NRXN1: variants seen among roughly 807,000 people sequenced by gnomAD.
NRXN1 encodes neurexin 1, also known as neurexin-1.
NRXN1 carries 39 observed loss-of-function variants against 150.9 expected under a neutral mutation model. That is an observed-to-expected ratio of 0.26 (90% CI 0.20 to 0.34). The LOEUF (loss-of-function observed/expected upper bound fraction) is 0.34. Among genes scored for constraint, NRXN1 ranks in the 10% least tolerant of loss-of-function variants. The probability of loss-of-function intolerance (pLI) is 1.00; values close to 1 mark genes in which losing one functional copy is unlikely to be tolerated. For missense variants in NRXN1, 1,815 were observed against 1,949.9 expected (o/e 0.93, Z 1.30); for synonymous variants, 924 against 757.0 (o/e 1.22, Z -3.62).
chr2:50,131,119 T>TC (rs1310700772), intron 18 of NRXN1, among the ~76,000 whole-genome samples: 1 of 152,202 alleles, frequency 6.6e-6, no homozygotes, highest in Non-Finnish European at 1.5e-5. Context: ...AAGCAAATAT[T>TC]CAATGGGGTC....
At chr2:50,370,311 A>G (rs1313311861) in intron 17 of NRXN1, among the ~76,000 whole-genome samples, 1 of 152,004 alleles carries the variant, frequency 6.6e-6, no homozygotes, top group Non-Finnish European at 1.5e-5. Flanking sequence ...CCATGGTTTA[A>G]TATTGTACAT....
At chr2:50,644,731 G>A (rs557180652) in intron 5 of NRXN1, among the ~76,000 whole-genome samples, 129 of 149,402 alleles carry the variant, frequency 8.6e-4, no homozygotes, top group African/African-American at 3.1e-3. Context: ...CAACATGCCA[G>A]GGAATATCTA....
rs1327322703 is a variant in NRXN1 at position 50,752,826 on chromosome 2, C to T, written c.833-129211G>A. 2.6e-5 allele frequency among the ~76,000 whole-genome samples: 4 copies of T among 151,938 alleles called. No individual in the cohort carries two copies. The East Asian group carries it at 7.8e-4, about 30-fold the overall frequency. On this transcript the variant is annotated intron_variant, in intron 5 of 22. Transcript: ENST00000401669. ...AGGATGTTTTGAAAACTAAAAAGAA[C>T]TGGTGATAATTTGGTGATTTCCCGT...
Position 50,497,602 on chromosome 2 carries a change from C to G in NRXN1, c.2610G>C (p.Gln870His). 1 of 1,613,926 alleles carries G rather than the reference C, an allele frequency of 6.2e-7. No individual in the cohort carries two copies. Among genetic ancestry groups the G allele is most frequent in the Non-Finnish European group, 8.5e-7 (1 of 1,179,872 alleles). ...ATGCCATTCCATTAAATGTCAAGCTCTGCAGGTGTCCAATGAAGTTGGAGG... is the reference window on the plus strand; with the variant it reads ...ATGCCATTCCATTAAATGTCAAGCTGTGCAGGTGTCCAATGAAGTTGGAGG... ...SVPSNFIGHL[Q>H]SLTFNGMAYI... The change falls in exon 14 of 23, where the codon CAG becomes CAC. Residue 870 changes from glutamine (Q) to histidine (H), a missense_variant. Gln to His is a conservative substitution (Grantham distance 24). This residue lies in a region of NRXN1 where 638 missense variants were observed against 652.6 expected (regional missense o/e 0.98). Coordinates refer to ENST00000401669, the MANE Select transcript of NRXN1 (RefSeq NM_001330078.2).
chr2:50,464,544 C>T (rs2088610248), intron 17 of NRXN1: 2 of 151,898 alleles, frequency 1.3e-5, no homozygotes, highest in Admixed American at 6.6e-5. Flanking sequence ...TCAAATTCAG[C>T]CTCTGCTACA....
intron 17 of NRXN1, among the ~76,000 whole-genome samples, chr2:50,437,231 C>A (rs1201468616): frequency 1.3e-5 from 2 of 152,164 alleles, no homozygotes; most frequent in Non-Finnish European, 2.9e-5. Context: ...TAGACCTGCT[C>A]AAATCAATAT....
At chr2:50,463,428 G>A (rs924339564) in intron 17 of NRXN1, among the ~76,000 whole-genome samples, 1 of 151,636 alleles carries the variant, frequency 6.6e-6, no homozygotes, top group African/African-American at 2.4e-5. Flanking sequence ...CCCACTAACA[G>A]GTAATGATTT....
intron 5 of NRXN1, among the ~76,000 whole-genome samples, chr2:50,907,296 T>G (rs1320965694): frequency 2.0e-5 from 3 of 152,086 alleles, no homozygotes; most frequent in Non-Finnish European, 4.4e-5. Flanking sequence ...CGGTTCATTC[T>G]TCACTGAAAC....
intron 18 of NRXN1, among the ~76,000 whole-genome samples, chr2:50,226,587 G>C (rs980095050): frequency 7.9e-5 from 12 of 151,968 alleles, no homozygotes; most frequent in Admixed American, 5.9e-4. Context: ...GAGGTAGAAT[G>C]TGGAGTAGCT....
At chr2:49,998,165 G>A (rs780639792) in intron 21 of NRXN1, among the ~76,000 whole-genome samples, 1 of 152,106 alleles carries the variant, frequency 6.6e-6, no homozygotes, top group Non-Finnish European at 1.5e-5. Context: ...GTTAAGGGAG[G>A]AAAGAATTAA....
intron 5 of NRXN1, among the ~76,000 whole-genome samples, chr2:50,751,911 T>C (rs1700638886): frequency 6.6e-6 from 1 of 151,872 alleles, no homozygotes; most frequent in Admixed American, 6.6e-5. Context: ...TGAAACCTCC[T>C]CCACTGTGTA....
At chr2:50,948,197 A>T (rs1160528213) in intron 2 of NRXN1, among the ~76,000 whole-genome samples, 4 of 151,992 alleles carry the variant, frequency 2.6e-5, no homozygotes, top group Non-Finnish European at 5.9e-5. Context: ...TGTTTTCTTT[A>T]CTCTCAATGA....
At chr2:50,399,347 T>C (rs1484425998) in intron 17 of NRXN1, among the ~76,000 whole-genome samples, 1 of 152,156 alleles carries the variant, frequency 6.6e-6, no homozygotes, top group Non-Finnish European at 1.5e-5. Context: ...TTTTCAAATG[T>C]TTCTGGAAAT....
intron 18 of NRXN1, among the ~76,000 whole-genome samples, chr2:50,093,082 G>A (rs1052148784): frequency 3.3e-5 from 5 of 150,400 alleles, no homozygotes; most frequent in Non-Finnish European, 7.4e-5. Context: ...GTTAAAATAA[G>A]AAAATAATGC....
chr2:50,721,779 A>AT (rs1172148364), intron 5 of NRXN1, among the ~76,000 whole-genome samples: 1 of 152,058 alleles, frequency 6.6e-6, no homozygotes, highest in African/African-American at 2.4e-5. Flanking sequence ...CCTCATAAAC[A>AT]TTTGGGATAG....
Position 50,924,879 on chromosome 2 carries a change from G to A in NRXN1, c.790+1059C>T, listed in dbSNP as rs533366538. Among the ~76,000 whole-genome samples, 28 of 151,786 alleles carry A rather than the reference G, an allele frequency of 1.8e-4. No homozygotes were observed. In the East Asian group the frequency reaches 4.5e-3, roughly 24 times the overall value. ...ATGAAGTGTTCTTTCTTAGATACATGAAGTCTTGGTAACCTTAATGGCTAT... is the reference window on the plus strand; with the variant it reads ...ATGAAGTGTTCTTTCTTAGATACATAAAGTCTTGGTAACCTTAATGGCTAT... On this transcript the variant is annotated intron_variant, in intron 3 of 22. Coordinates refer to ENST00000401669, the MANE Select transcript of NRXN1 (RefSeq NM_001330078.2).
intron 21 of NRXN1, chr2:49,945,349 C>T (rs1412916403): frequency 6.6e-6 from 1 of 151,066 alleles, no homozygotes; most frequent in African/African-American, 2.4e-5. Flanking sequence ...AGTGCTAACT[C>T]CCCTTTCATT....
chr2:50,276,522 G>A (rs1441655742), intron 17 of NRXN1, among the ~76,000 whole-genome samples: 3 of 152,164 alleles, frequency 2.0e-5, no homozygotes, highest in Non-Finnish European at 4.4e-5. Context: ...CTAGGATCAA[G>A]TTTTGCAATG....
intron 17 of NRXN1, among the ~76,000 whole-genome samples, chr2:50,300,710 T>A (rs1375705249): frequency 6.6e-6 from 1 of 152,148 alleles, no homozygotes; most frequent in East Asian, 1.9e-4. Context: ...TTTGTTTTTG[T>A]TTTGAGACAG....
Sources: gnomAD v4.1 joint callset for allele counts (sites outside exome capture counted in the v4.1 genomes callset) on GRCh38, gnomAD v4.1.1 for gene constraint, gnomAD v4.1.1 regional missense constraint, MANE v1.5 for transcripts, NCBI Gene and HGNC (gene_info 2026-07-23, HGNC 2026-07-21) for gene names.